The following FAF1 variants were observed in gnomAD, a reference collection of about 807,000 sequenced individuals.
FAF1 encodes the protein FAS-associated factor 1.
FAF1 carries 25 observed loss-of-function variants against 92.5 expected under a neutral mutation model. That is an observed-to-expected ratio of 0.27 (90% CI 0.20 to 0.38). The LOEUF is 0.38. Ranked by LOEUF, FAF1 falls within the 10% of genes least tolerant of loss-of-function variation. The probability of loss-of-function intolerance (pLI) is 1.00; values close to 1 mark genes in which losing one functional copy is unlikely to be tolerated. For synonymous variants in FAF1, 234 were observed against 273.2 expected (o/e 0.86, Z 1.42); for missense variants, 636 against 793.3 (o/e 0.80, Z 2.38).
chr1:50,582,573 C>T lies in FAF1; in HGVS notation c.1113+45G>A. The T allele has an allele frequency of 1.6e-6, 2 of 1,246,544 alleles. 1 individual carries two copies. Among genetic ancestry groups the T allele is most frequent in the South Asian group, 2.4e-5 (2 of 83,254 alleles). The allele number at this position is 1,246,544 out of a possible 1,614,324, so 77.2% of individuals were successfully genotyped here. ...CATTGCCTCAGCCCTAGTGGTAAAC[C>T]TGTGGGATGCACTTTTTAATCAGAA... On this transcript the variant is annotated intron_variant, in intron 12 of 18. Transcript: ENST00000396153.
intron 1 of FAF1, among the ~76,000 whole-genome samples, chr1:50,862,256 G>T (rs1411571470): frequency 6.6e-6 from 1 of 151,826 alleles, no homozygotes; most frequent in African/African-American, 2.4e-5. Context: ...AAGCTGTACA[G>T]AGGAAAAACA....
At chr1:50,458,557 A>C (rs1347327078) in intron 18 of FAF1, among the ~76,000 whole-genome samples, 2 of 152,188 alleles carry the variant, frequency 1.3e-5, no homozygotes, top group Non-Finnish European at 2.9e-5. Context: ...AAGGCTCTGA[A>C]TTCTACGCAG....
chr1:50,940,598 G>A (rs1027120082), intron 1 of FAF1, among the ~76,000 whole-genome samples: 9 of 152,212 alleles, frequency 5.9e-5, no homozygotes, highest in South Asian at 2.1e-4. Context: ...CTACTAGGAC[G>A]TTGGGAATAT....
intron 7 of FAF1, among the ~76,000 whole-genome samples, chr1:50,674,022 C>T (rs1025926422): frequency 6.6e-6 from 1 of 151,790 alleles, no homozygotes; most frequent in Non-Finnish European, 1.5e-5. Context: ...ATGATCTCGG[C>T]TCACTGCAAC....
intron 18 of FAF1, among the ~76,000 whole-genome samples, chr1:50,449,850 T>C (rs1440202357): frequency 1.3e-5 from 2 of 151,914 alleles, no homozygotes; most frequent in Admixed American, 6.6e-5. Flanking sequence ...TAGGAAAACA[T>C]GCTATTAAAT....
chr1:50,627,538 A>G (rs1288852571), intron 8 of FAF1, among the ~76,000 whole-genome samples: 1 of 152,096 alleles, frequency 6.6e-6, no homozygotes, highest in African/African-American at 2.4e-5. Flanking sequence ...AAAAATATGG[A>G]TCCATCTCAT....
At chr1:50,809,192 C>T (rs1662325418) in intron 2 of FAF1, among the ~76,000 whole-genome samples, 1 of 151,998 alleles carries the variant, frequency 6.6e-6, no homozygotes, top group Admixed American at 6.5e-5. Context: ...AATTAACAAC[C>T]TAACATCACA....
At chr1:50,710,988 C>T (rs775329556) in intron 6 of FAF1, among the ~76,000 whole-genome samples, 44 of 149,076 alleles carry the variant, frequency 3.0e-4, no homozygotes, top group Non-Finnish European at 6.1e-4. Flanking sequence ...CGGCTCATTG[C>T]GACCTCAACC....
At chr1:50,838,435 A>G (rs975123820) in intron 2 of FAF1, among the ~76,000 whole-genome samples, 10 of 149,872 alleles carry the variant, frequency 6.7e-5, no homozygotes, top group Admixed American at 6.7e-4. Context: ...TGTAAATATA[A>G]TTTTACATGT....
chr1:50,890,556 G>T (rs1001985023), intron 1 of FAF1, among the ~76,000 whole-genome samples: 1 of 152,092 alleles, frequency 6.6e-6, no homozygotes, highest in South Asian at 2.1e-4. Flanking sequence ...GAGCAGGCTT[G>T]GTGGTGACAA....
chr1:50,732,467 A>T (rs1195866582), intron 6 of FAF1, among the ~76,000 whole-genome samples: 1 of 152,186 alleles, frequency 6.6e-6, no homozygotes, highest in Non-Finnish European at 1.5e-5. Context: ...ACTTGTGCAT[A>T]CAAGCCTGCA....
At chr1:50,560,139 T>C (rs1216281973) in intron 13 of FAF1, among the ~76,000 whole-genome samples, 1 of 152,168 alleles carries the variant, frequency 6.6e-6, no homozygotes, top group African/African-American at 2.4e-5. Context: ...TAGAGTAACA[T>C]GGTCAGCAAG....
At chr1:50,646,956 G>C (rs1283000944) in intron 8 of FAF1, among the ~76,000 whole-genome samples, 1 of 152,122 alleles carries the variant, frequency 6.6e-6, no homozygotes, top group Non-Finnish European at 1.5e-5. Context: ...AGCAATTCTT[G>C]TGTCTCAGCC....
chr1:50,638,205 T>C (rs1007456844), intron 8 of FAF1, among the ~76,000 whole-genome samples: 2 of 152,138 alleles, frequency 1.3e-5, no homozygotes, highest in Non-Finnish European at 2.9e-5. Context: ...AGCTTTTTGG[T>C]GGATTATGTT....
At chr1:50,604,044 A>G (rs1432897776) in intron 8 of FAF1, among the ~76,000 whole-genome samples, 1 of 152,216 alleles carries the variant, frequency 6.6e-6, no homozygotes, top group Admixed American at 6.5e-5. Flanking sequence ...CTATGTACAT[A>G]AACACAAACA....
intron 18 of FAF1, chr1:50,451,916 G>A: frequency 9.2e-7 from 1 of 1,089,408 alleles, no homozygotes; most frequent in Non-Finnish European, 1.1e-6. Flanking sequence ...CTCAAACTTG[G>A]CACACTGTCG....
At chr1:50,486,348 C>G (rs1428801054) in intron 17 of FAF1, among the ~76,000 whole-genome samples, 2 of 152,152 alleles carry the variant, frequency 1.3e-5, no homozygotes, top group Non-Finnish European at 2.9e-5. Context: ...CGACTGTGTT[C>G]TAAGTTTGTT....
chr1:50,807,681 A>C lies in FAF1; in HGVS notation c.115-6004T>G, dbSNP rs1401835543. ...GAGAGGAAAGAATCTCAGAGTCTGA[A>C]GACCAGTTCTCCAAAATAATTCAGT... On this transcript the variant is annotated intron_variant, in intron 2 of 18. Transcript: ENST00000396153. Among the ~76,000 whole-genome samples, 4 of 152,206 alleles carry C rather than the reference A, an allele frequency of 2.6e-5. No individual in the cohort carries two copies. In the East Asian group the frequency reaches 5.8e-4, roughly 22 times the overall value.
At chr1:50,493,033 TC>T (rs1294305735) in intron 15 of FAF1, among the ~76,000 whole-genome samples, 2 of 145,326 alleles carry the variant, frequency 1.4e-5, no homozygotes, top group Non-Finnish European at 3.0e-5. Flanking sequence ...GGATTAAACT[TC>T]TTTTTTTTTT....
Sources: gnomAD v4.1 joint callset for allele counts (sites outside exome capture counted in the v4.1 genomes callset) on GRCh38, gnomAD v4.1.1 for gene constraint, MANE v1.5 for transcripts, NCBI Gene and HGNC (gene_info 2026-07-23, HGNC 2026-07-21) for gene names.